Variants in SNX25 observed in about 807,000 individuals in gnomAD.
The protein encoded by SNX25 is sorting nexin-25.
In SNX25, 62 loss-of-function variants were observed where a neutral mutation model predicts 113.7. The ratio of observed to expected loss-of-function variants is 0.55; its 90% CI spans 0.44 to 0.67. The LOEUF (loss-of-function observed/expected upper bound fraction) is 0.67, where lower values mean the gene tolerates loss of function less well. Ranked by LOEUF, SNX25 falls within the 30% of genes least tolerant of loss-of-function variation. The pLI, the probability that SNX25 is intolerant of heterozygous loss-of-function variation, is 0.00. For missense variants in SNX25, 1,014 were observed against 1,161.0 expected (o/e 0.87, Z 1.84); for synonymous variants, 421 against 436.2 (o/e 0.97, Z 0.43).
At chr4:185,345,532 T>C (rs1039224379) in intron 12 of SNX25, among the ~76,000 whole-genome samples, 1 of 152,152 alleles carries the variant, frequency 6.6e-6, no homozygotes, top group Non-Finnish European at 1.5e-5. Flanking sequence ...TGGTGACTCA[T>C]GCCTGTAATT....
chr4:185,354,404 T>A (rs79774864), intron 15 of SNX25, among the ~76,000 whole-genome samples: 8,373 of 152,196 alleles, frequency 0.055, 658 homozygotes, highest in African/African-American at 0.17. Flanking sequence ...GAGGGACATA[T>A]GGTGATGTCT....
intron 5 of SNX25, among the ~76,000 whole-genome samples, chr4:185,285,892 G>A (rs1751277278): frequency 6.6e-6 from 1 of 151,254 alleles, no homozygotes; most frequent in Admixed American, 6.6e-5. Context: ...CCTGCCTCAG[G>A]CTCCCAAGTA....
chr4:185,269,775 G>A (rs901401939), intron 5 of SNX25, among the ~76,000 whole-genome samples: 31 of 152,062 alleles, frequency 2.0e-4, no homozygotes, highest in African/African-American at 7.5e-4. Flanking sequence ...AAGGTCCTGT[G>A]GTGTTGCCCA....
intron 4 of SNX25, among the ~76,000 whole-genome samples, chr4:185,266,354 G>A (rs1748077361): frequency 6.6e-6 from 1 of 152,092 alleles, no homozygotes; most frequent in Admixed American, 6.6e-5. Context: ...TTTGGTTGTT[G>A]TAATTTTGTG....
At chr4:185,314,421 A>G (rs1465584919) in intron 7 of SNX25, among the ~76,000 whole-genome samples, 1 of 152,164 alleles carries the variant, frequency 6.6e-6, no homozygotes, top group Non-Finnish European at 1.5e-5. Context: ...CAGTATTAGG[A>G]ATGAAATAGG....
intron 9 of SNX25, among the ~76,000 whole-genome samples, chr4:185,329,891 G>T (rs750333091): frequency 1.2e-4 from 18 of 152,102 alleles, no homozygotes; most frequent in Non-Finnish European, 2.1e-4. Context: ...TGAAGTGAGA[G>T]ACAAGACTGG....
intron 18 of SNX25, 24 bp downstream of exon 18, chr4:185,362,735 G>A (rs2095370860): frequency 1.3e-6 from 2 of 1,571,422 alleles, no homozygotes; most frequent in Non-Finnish European, 8.7e-7. Context: ...AGCCCAGGGG[G>A]TTTCCTGCTT....
chr4:185,351,122 T>G (rs1239118188), intron 13 of SNX25, among the ~76,000 whole-genome samples: 1 of 152,220 alleles, frequency 6.6e-6, no homozygotes, highest in East Asian at 1.9e-4. Flanking sequence ...TGGTAGCGCC[T>G]GGGATCTGTG....
intron 15 of SNX25, among the ~76,000 whole-genome samples, chr4:185,357,255 T>C (rs1246152280): frequency 6.6e-6 from 1 of 152,212 alleles, no homozygotes; most frequent in Non-Finnish European, 1.5e-5. Flanking sequence ...TCATTAATAT[T>C]TCAAAATATT....
At chr4:185,375,798 C>A in the SNX25 span, 1 of 922,514 alleles carries the variant, frequency 1.1e-6, no homozygotes, top group South Asian at 1.7e-5. Flanking sequence ...ACCAAGTGGT[C>A]AAGTGTTTGT....
chr4:185,244,721 A>G (rs912491274), intron 1 of SNX25, among the ~76,000 whole-genome samples: 9 of 152,218 alleles, frequency 5.9e-5, no homozygotes, highest in Non-Finnish European at 1.2e-4. Flanking sequence ...GTTGAATGCT[A>G]TATATTAATT....
rs770276349 is a variant in SNX25 at position 185,339,456 on chromosome 4, G to C, written c.1992G>C (p.Thr664=). 6.2e-7 allele frequency: 1 copy of C among 1,614,068 alleles called. No homozygotes were observed. Among genetic ancestry groups the C allele is most frequent in the South Asian group, 1.1e-5 (1 of 91,072 alleles). The change falls in exon 11 of 19, where the codon ACG becomes ACC. Residue 664 remains threonine (T), a synonymous_variant. Coordinates refer to ENST00000652585, the MANE Select transcript of SNX25 (RefSeq NM_001378034.2). ...ACCTTCAGCTGCACATGGCAAGAACGGATTGGTGGTGTGAAAACCTTGGCA... is the reference window on the plus strand; with the variant it reads ...ACCTTCAGCTGCACATGGCAAGAACCGATTGGTGGTGTGAAAACCTTGGCA... ...RTDLQLHMAR[T]DWWCENLGMW... is the part of the protein sequence containing the mutation.
At chr4:185,245,190 A>G (rs1449265262) in intron 1 of SNX25, among the ~76,000 whole-genome samples, 1 of 152,082 alleles carries the variant, frequency 6.6e-6, no homozygotes, top group African/African-American at 2.4e-5. Context: ...GTTCCAAACC[A>G]GTAAGTAGAC....
chr4:185,287,189 C>T (rs963689565), intron 5 of SNX25, among the ~76,000 whole-genome samples: 10 of 152,162 alleles, frequency 6.6e-5, no homozygotes, highest in African/African-American at 2.4e-4. Context: ...AGCTACAACT[C>T]CAGGGTTGTA....
chr4:185,215,207 C>T (rs1046294845), intron 1 of SNX25, among the ~76,000 whole-genome samples: 3 of 151,408 alleles, frequency 2.0e-5, no homozygotes, highest in African/African-American at 4.9e-5. Flanking sequence ...CCAGCCTGGG[C>T]GACAGAGCGA....
intron 2 of SNX25, among the ~76,000 whole-genome samples, 195 bp downstream of exon 2, chr4:185,247,573 G>A (rs1409559338): frequency 1.3e-5 from 2 of 152,198 alleles, no homozygotes; most frequent in African/African-American, 4.8e-5. Flanking sequence ...CGTTTGTTGA[G>A]TAGGAATTTC....
chr4:185,252,217 A>G (rs575066694), intron 2 of SNX25, among the ~76,000 whole-genome samples: 2 of 152,314 alleles, frequency 1.3e-5, no homozygotes, highest in Admixed American at 1.3e-4. Flanking sequence ...AGTTAATTTT[A>G]TGGAGAATTA....
At chr4:185,330,476 C>T (rs755327953) in intron 9 of SNX25, among the ~76,000 whole-genome samples, 12 of 152,252 alleles carry the variant, frequency 7.9e-5, no homozygotes, top group Non-Finnish European at 1.8e-4. Flanking sequence ...TCCAAGATGG[C>T]GATGCTCCTG....
At chr4:185,224,551 A>ATATATAAATATATATAAGTG in intron 1 of SNX25, among the ~76,000 whole-genome samples, 1 of 91,354 alleles carries the variant, frequency 1.1e-5, no homozygotes, top group Non-Finnish European at 2.2e-5. Context: ...ATATATACAT[A>ATATATAAATATATATAAGTG]TATATAAATA....
Sources: gnomAD v4.1 joint callset for allele counts (sites outside exome capture counted in the v4.1 genomes callset) on GRCh38, gnomAD v4.1.1 for gene constraint, MANE v1.5 for transcripts, NCBI Gene and HGNC (gene_info 2026-07-23, HGNC 2026-07-21) for gene names.